The following SPC25 variants were observed in gnomAD, a reference collection of about 807,000 sequenced individuals.
SPC25 encodes SPC25 component of NDC80 kinetochore complex, also known as kinetochore protein Spc25.
A neutral mutation model predicts 29.6 loss-of-function variants in SPC25; 22 were observed. That is an observed-to-expected ratio of 0.74 (90% confidence interval 0.53 to 1.06). The LOEUF (loss-of-function observed/expected upper bound fraction) is 1.06, where lower values mean the gene tolerates loss of function less well. Ranked by LOEUF, SPC25 falls within the 50% of genes least tolerant of loss-of-function variation. The probability of loss-of-function intolerance (pLI) is 0.00; values close to 1 mark genes in which losing one functional copy is unlikely to be tolerated. For missense variants in SPC25, 230 were observed against 255.8 expected, an observed-to-expected ratio of 0.90 and a Z score of 0.69; for synonymous variants, 91 against 90.4, an observed-to-expected ratio of 1.01 and a Z score of -0.04.
chr2:168,878,920 G>A (rs77578788), intron 3 of SPC25, among the ~76,000 whole-genome samples: 7,534 of 152,242 alleles, frequency 0.049, 292 homozygotes, highest in Non-Finnish European at 0.074. Flanking sequence ...TCACACAAAT[G>A]TTTTGGTTTC....
intron 3 of SPC25, among the ~76,000 whole-genome samples, chr2:168,883,608 T>C (rs477309): frequency 0.82 from 124,813 of 152,058 alleles, 51,266 homozygotes; most frequent in East Asian, 0.91. Context: ...ATTGGCTACC[T>C]CATTCACTGG....
In SPC25 at chr2:168,890,352, C is replaced by T; in HGVS notation, c.-49G>A. On this transcript the variant is annotated 5_prime_UTR_variant, in exon 1 of 7. Coordinates refer to ENST00000282074, the MANE Select transcript of SPC25 (RefSeq NM_020675.4). ...CAGGCCTGAGTCCCGCCGCCTTCCC[C>T]ACACCAGATCCGCGCCCACTCTAGC... 2.0e-6 allele frequency: 2 copies of T among 985,588 alleles called. No individual in the cohort carries two copies. The highest frequency in any genetic ancestry group is 1.1e-4 in the East Asian group (1 of 8,814). 61.1% of individuals were successfully genotyped at this position (985,588 alleles called of 1,614,324 possible). A position where few individuals can be genotyped will look rare whatever the true frequency, so the allele number is the denominator to read the frequency against.
chr2:168,863,618 GTTGAATGGGGAGTTACATT>G (rs1476227798), intron 4 of SPC25: 137 of 985,152 alleles, frequency 1.4e-4, no homozygotes, highest in East Asian at 2.3e-4. Context: ...TGTCTAAGTT[GTTGAATGGGGAGTTACATT>G]TTGAATGGGG....
rs1001330538 is a variant in SPC25 at position 168,861,907 on chromosome 2, A to G, written n.419+11678T>C. ...TTAAATAACCAAAGAGCTTCAGCTC[A>G]TATTCATTTGCCTGCTAACACAGCA... is the stretch of plus-strand genomic sequence containing the variant. On this transcript the variant is annotated intron_variant and non_coding_transcript_variant, in intron 4 of 4. Coordinates refer to the SPC25 transcript ENST00000479309. 18 of 1,505,438 alleles carry G rather than the reference A, an allele frequency of 1.2e-5. No individual in the cohort carries two copies. The African/African-American group carries it at 1.9e-4, about 16-fold the overall frequency. 93.3% of individuals were successfully genotyped at this position (1,505,438 alleles called of 1,614,324 possible).
downstream of SPC25, among the ~76,000 whole-genome samples, chr2:168,868,245 G>A (rs1380577325): frequency 6.6e-6 from 1 of 152,120 alleles, no homozygotes; most frequent in Non-Finnish European, 1.5e-5. Context: ...GCCCACAAGA[G>A]AAAGCAGGAA....
At chr2:168,868,800 C>A (rs1689921267), downstream of SPC25, among the ~76,000 whole-genome samples, 3 of 152,330 alleles carry the variant, frequency 2.0e-5, no homozygotes, top group South Asian at 6.2e-4. Context: ...GGTACCATTC[C>A]TTCTGAAACT....
At chr2:168,865,429 AAG>A (rs941699342) in intron 4 of SPC25, 3 of 154,948 alleles carry the variant, frequency 1.9e-5, no homozygotes, top group African/African-American at 7.2e-5. Flanking sequence ...CAATTCCAAG[AAG>A]AGAGACAGGC....
At chr2:168,864,754 C>A (rs1469847037) in intron 4 of SPC25, 15 of 1,515,342 alleles carry the variant, frequency 9.9e-6, no homozygotes, top group Non-Finnish European at 1.3e-5. Flanking sequence ...TGAAGCAGAA[C>A]CTCCTTAAAA....
chr2:168,878,728 A>G (rs936808120), intron 3 of SPC25, among the ~76,000 whole-genome samples: 1 of 152,236 alleles, frequency 6.6e-6, no homozygotes, highest in Non-Finnish European at 1.5e-5. Context: ...TGATTAATAC[A>G]TAGGTAAGAA....
At chr2:168,887,098 G>T (rs1326705058) in intron 3 of SPC25, among the ~76,000 whole-genome samples, 4 of 152,096 alleles carry the variant, frequency 2.6e-5, no homozygotes, top group South Asian at 4.1e-4. Flanking sequence ...GCAGTGAAGG[G>T]CATGGAAGCT....
chr2:168,883,307 G>A (rs1690206135), intron 3 of SPC25, among the ~76,000 whole-genome samples: 2 of 151,964 alleles, frequency 1.3e-5, no homozygotes, highest in Admixed American at 1.3e-4. Context: ...AAGTTGTTTT[G>A]TTAAATATGG....
chr2:168,864,815 T>TCTAA lies in SPC25; in HGVS notation n.419+8766_419+8769dup, dbSNP rs767134914. On this transcript the variant is annotated intron_variant and non_coding_transcript_variant, in intron 4 of 4. Coordinates refer to the SPC25 transcript ENST00000479309. ...TGTTCACATCACAGAGACCCATTTG[T>TCTAA]CTAACTGTATTTTCACAGGTGACAT... The TCTAA allele has an allele frequency of 3.7e-6, 6 of 1,613,290 alleles. No individual in the cohort carries two copies. In the African/African-American group the frequency reaches 4.0e-5, roughly 11 times the overall value.
intron 3 of SPC25, among the ~76,000 whole-genome samples, chr2:168,886,426 C>T (rs189444767): frequency 2.0e-4 from 30 of 152,192 alleles, no homozygotes; most frequent in African/African-American, 7.2e-4. Context: ...ATACTTTATG[C>T]ACTGTTGTCT....
chr2:168,863,601 T>C (rs895828400), intron 4 of SPC25: 1 of 985,348 alleles, frequency 1.0e-6, no homozygotes, highest in African/African-American at 1.7e-5. Context: ...TGATGTTGTA[T>C]TAAAGTTGTC....
At chr2:168,874,908 G>A (rs1213479036) in intron 5 of SPC25, among the ~76,000 whole-genome samples, 4 of 152,118 alleles carry the variant, frequency 2.6e-5, no homozygotes, top group African/African-American at 9.7e-5. Context: ...GTATCCTTTT[G>A]CTGCAGTAAA....
chr2:168,866,947 G>A (rs574641323), downstream of SPC25, among the ~76,000 whole-genome samples: 92 of 152,274 alleles, frequency 6.0e-4, no homozygotes, highest in Non-Finnish European at 3.4e-4. Context: ...CAGTTAGAAC[G>A]GCAATCATTA....
At chr2:168,888,987 ATATG>A (rs1690327945) in intron 3 of SPC25, among the ~76,000 whole-genome samples, 2 of 132,580 alleles carry the variant, frequency 1.5e-5, no homozygotes, top group African/African-American at 3.2e-5. Context: ...ACACACATAT[ATATG>A]TATATATATA....
chr2:168,866,354 C>T (rs1283642006), downstream of SPC25, among the ~76,000 whole-genome samples: 1 of 152,270 alleles, frequency 6.6e-6, no homozygotes, highest in Non-Finnish European at 1.5e-5. Context: ...TTTGACAAAC[C>T]TGACAAAAAC....
At chr2:168,875,507 C>T (rs560067870) in intron 5 of SPC25, among the ~76,000 whole-genome samples, 2 of 152,188 alleles carry the variant, frequency 1.3e-5, no homozygotes, top group South Asian at 4.2e-4. Flanking sequence ...CAACAACGTA[C>T]TGTAATAAAA....
Sources: allele counts gnomAD v4.1 joint callset (sites outside exome capture counted in the v4.1 genomes callset), GRCh38; gene constraint gnomAD v4.1.1; transcripts MANE v1.5; gene names NCBI Gene and HGNC (gene_info 2026-07-23, HGNC 2026-07-21).